The following DPP6 variants were observed in gnomAD, a reference collection of about 807,000 sequenced individuals.
DPP6 encodes the protein dipeptidyl peptidase like 6, also known as A-type potassium channel modulatory protein DPP6.
DPP6 carries 69 observed loss-of-function variants against 122.6 expected under a neutral mutation model. The ratio of observed to expected loss-of-function variants is 0.56; its 90% CI spans 0.46 to 0.69. The LOEUF (loss-of-function observed/expected upper bound fraction) is 0.69, where lower values mean the gene tolerates loss of function less well. Ranked by LOEUF, DPP6 falls within the 30% of genes least tolerant of loss-of-function variation. The pLI, the probability that DPP6 is intolerant of heterozygous loss-of-function variation, is 0.00. For missense variants in DPP6, 928 were observed against 1,116.9 expected (o/e 0.83, Z 2.41); for synonymous variants, 418 against 433.1 (o/e 0.97, Z 0.43).
intron 2 of DPP6, among the ~76,000 whole-genome samples, chr7:154,468,756 A>T (rs1187449576): frequency 6.6e-6 from 1 of 152,208 alleles, no homozygotes; most frequent in Non-Finnish European, 1.5e-5. Context: ...CTGATGACTT[A>T]GTTTCTACCA....
chr7:154,523,195 T>A (rs1353608774), intron 3 of DPP6, among the ~76,000 whole-genome samples: 1 of 152,212 alleles, frequency 6.6e-6, no homozygotes, highest in East Asian at 1.9e-4. Flanking sequence ...AAGGAAGACA[T>A]TACTGTGGTC....
chr7:153,899,824 G>A (rs571673075), intron 1 of DPP6, among the ~76,000 whole-genome samples: 7 of 152,308 alleles, frequency 4.6e-5, no homozygotes, highest in South Asian at 4.2e-4. Context: ...ACTCACATGC[G>A]TATTAACGCT....
intron 6 of DPP6, among the ~76,000 whole-genome samples, chr7:154,663,760 G>A (rs1407776157): frequency 1.9e-5 from 2 of 103,948 alleles, no homozygotes; most frequent in African/African-American, 6.2e-5. Flanking sequence ...TGTTCATATA[G>A]TCATGGTGAA....
intron 17 of DPP6, among the ~76,000 whole-genome samples, chr7:154,856,798 G>A (rs1470743485): frequency 1.3e-5 from 2 of 152,210 alleles, no homozygotes; most frequent in Admixed American, 6.5e-5. Context: ...TTTGGTGACT[G>A]TGACTCCCTG....
At chr7:154,777,561 A>G (rs766463005) in intron 10 of DPP6, among the ~76,000 whole-genome samples, 2 of 152,174 alleles carry the variant, frequency 1.3e-5, no homozygotes, top group African/African-American at 2.4e-5. Context: ...GCACTGATAA[A>G]ACAAATGCGC....
the DPP6 span, among the ~76,000 whole-genome samples, chr7:153,843,029 CACACACATGCAT>C: frequency 1.3e-5 from 2 of 152,144 alleles, no homozygotes; most frequent in Non-Finnish European, 2.9e-5. Context: ...AGCATGCACA[CACACACATGCAT>C]ACACACATGA....
At chr7:154,744,096 C>T (rs6597416) in intron 8 of DPP6, among the ~76,000 whole-genome samples, 8,388 of 152,166 alleles carry the variant, frequency 0.055, 285 homozygotes, top group African/African-American at 0.085. Flanking sequence ...TGGATCCTCC[C>T]GGTGCGTCCT....
chr7:153,956,844 G>A (rs976716392), intron 1 of DPP6, among the ~76,000 whole-genome samples: 1 of 152,076 alleles, frequency 6.6e-6, no homozygotes, highest in African/African-American at 2.4e-5. Flanking sequence ...ACTTCATTGT[G>A]CAACACCATT....
In DPP6 at chr7:154,760,686, C is replaced by T. The variant is rs372561982; in HGVS notation, c.884-8731C>T. 2.0e-5 allele frequency among the ~76,000 whole-genome samples: 3 copies of T among 152,010 alleles called. No individual in the cohort carries two copies. Among genetic ancestry groups the T allele is most frequent in the Non-Finnish European group, 4.4e-5 (3 of 68,002 alleles). On this transcript the variant is annotated intron_variant, in intron 8 of 25. Coordinates refer to ENST00000377770, the MANE Select transcript of DPP6 (RefSeq NM_130797.4). The surrounding 1 kb of genome is among the most constrained non-coding windows in gnomAD (Gnocchi z 4.5). ...CTTGCCACACTGGGACCTGTTTGAG[C>T]GTGAGGCAGGTGAGCAGAAGACATC...
chr7:153,887,696 G>A (rs772166530), exon 1 of DPP6: 2 of 1,613,800 alleles, frequency 1.2e-6, no homozygotes, highest in Non-Finnish European at 1.7e-6. Flanking sequence ...GAAGGAAAAG[G>A]CCATGATCAA....
chr7:154,245,731 A>G, intron 1 of DPP6, among the ~76,000 whole-genome samples: 1 of 152,148 alleles, frequency 6.6e-6, no homozygotes, highest in Admixed American at 6.5e-5. Context: ...ATATCTGATA[A>G]TAATAAAATG....
At chr7:154,860,478 G>T (rs1337293797) in intron 17 of DPP6, among the ~76,000 whole-genome samples, 1 of 152,206 alleles carries the variant, frequency 6.6e-6, no homozygotes, top group Non-Finnish European at 1.5e-5. Flanking sequence ...GGGCCATGGT[G>T]GAAAGGATGA....
intron 5 of DPP6, chr7:154,587,211 C>G (rs75751576): frequency 4.8e-6 from 1 of 209,700 alleles, no homozygotes; most frequent in African/African-American, 2.3e-5. Flanking sequence ...TGCTGCACTT[C>G]GGTGGACTCT....
intron 10 of DPP6, among the ~76,000 whole-genome samples, chr7:154,774,667 T>C (rs1587098054): frequency 2.0e-5 from 3 of 152,258 alleles, no homozygotes; most frequent in African/African-American, 7.2e-5. Flanking sequence ...ACTGCTTCTC[T>C]ATCACACATC....
chr7:154,368,360 A>G (rs1812358292), intron 1 of DPP6, among the ~76,000 whole-genome samples: 1 of 152,186 alleles, frequency 6.6e-6, no homozygotes, highest in African/African-American at 2.4e-5. Flanking sequence ...GGAAATTCCT[A>G]GAAATGCAGA....
chr7:154,607,561 C>CA (rs1162220684), intron 5 of DPP6, among the ~76,000 whole-genome samples: 15,624 of 22,330 alleles, frequency 0.7, 6,683 homozygotes, highest in Non-Finnish European at 0.88. Context: ...GACTCTGTCT[C>CA]AAAAAAAAAA....
At chr7:154,841,407 GT>G (rs1168176091) in intron 16 of DPP6, among the ~76,000 whole-genome samples, 8 of 150,368 alleles carry the variant, frequency 5.3e-5, no homozygotes, top group African/African-American at 2.0e-4. Context: ...GAAATACTAA[GT>G]TCCTTCTTTC....
chr7:154,745,769 GC>G (rs1843008057), intron 8 of DPP6, among the ~76,000 whole-genome samples: 1 of 152,158 alleles, frequency 6.6e-6, no homozygotes, highest in Non-Finnish European at 1.5e-5. Flanking sequence ...TTTTATAACA[GC>G]CCGCCCTCAC....
intron 1 of DPP6, among the ~76,000 whole-genome samples, chr7:154,175,317 A>C (rs1199293453): frequency 6.6e-6 from 1 of 152,130 alleles, no homozygotes; most frequent in Non-Finnish European, 1.5e-5. Context: ...AGGTGGGACC[A>C]GTGTCATGAT....
Sources: gnomAD v4.1 joint callset for allele counts (sites outside exome capture counted in the v4.1 genomes callset) on GRCh38, gnomAD v4.1.1 for gene constraint, Gnocchi (gnomAD v3.1) non-coding constraint, MANE v1.5 for transcripts, NCBI Gene and HGNC (gene_info 2026-07-23, HGNC 2026-07-21) for gene names.